Variants in PIP5K1B observed in about 807,000 individuals in gnomAD.
PIP5K1B encodes phosphatidylinositol 4-phosphate 5-kinase type-1 beta.
In PIP5K1B, 42 loss-of-function variants were observed where a neutral mutation model predicts 67.0. The ratio of observed to expected loss-of-function variants is 0.63; its 90% CI spans 0.49 to 0.81. The LOEUF (loss-of-function observed/expected upper bound fraction) is 0.81, where lower values mean the gene tolerates loss of function less well. PIP5K1B is among the 30% of genes least tolerant of loss of function. The pLI, the probability that PIP5K1B is intolerant of heterozygous loss-of-function variation, is 0.00. For missense variants in PIP5K1B, 459 were observed against 646.3 expected, an observed-to-expected ratio of 0.71 and a Z score of 3.14; for synonymous variants, 214 against 231.4, an observed-to-expected ratio of 0.92 and a Z score of 0.68.
chr9:68,885,956 C>T (rs908714415), intron 6 of PIP5K1B, among the ~76,000 whole-genome samples: 4 of 152,070 alleles, frequency 2.6e-5, no homozygotes, highest in Non-Finnish European at 5.9e-5. Flanking sequence ...GCGAGGCCGG[C>T]GGATCATGAG....
intron 14 of PIP5K1B, among the ~76,000 whole-genome samples, chr9:68,988,678 T>A (rs990417694): frequency 1.3e-5 from 2 of 152,152 alleles, no homozygotes; most frequent in Non-Finnish European, 2.9e-5. Context: ...GTCGAACTTC[T>A]GACCTCAGAT....
In PIP5K1B at chr9:68,948,111, C is replaced by A. The variant is rs138673306; in HGVS notation, c.1502+7321C>A. 5.7e-3 allele frequency among the ~76,000 whole-genome samples: 864 copies of A among 152,338 alleles called. 13 individuals are homozygous for A. Among genetic ancestry groups the A allele is most frequent in the African/African-American group, 0.02 (817 of 41,572 alleles). On this transcript the variant is annotated intron_variant, in intron 14 of 15. Coordinates refer to ENST00000265382, the MANE Select transcript of PIP5K1B (RefSeq NM_003558.4). Reference sequence around the variant, plus strand: ...AATGAGGGGAAAATGTGGTCACATTCTTTCATTCTTAGTAAAGAAAGGATT... The same window carrying A: ...AATGAGGGGAAAATGTGGTCACATTATTTCATTCTTAGTAAAGAAAGGATT...
At chr9:68,750,831 G>C (rs554034912) in intron 2 of PIP5K1B, among the ~76,000 whole-genome samples, 1 of 152,164 alleles carries the variant, frequency 6.6e-6, no homozygotes, top group Non-Finnish European at 1.5e-5. Context: ...TATTAGAGGG[G>C]ACAGTTTTTA....
At chr9:68,978,115 T>G (rs549437047) in intron 14 of PIP5K1B, among the ~76,000 whole-genome samples, 3 of 152,308 alleles carry the variant, frequency 2.0e-5, no homozygotes, top group Admixed American at 1.3e-4. Context: ...AACATATCTA[T>G]CACCTCACGT....
intron 4 of PIP5K1B, among the ~76,000 whole-genome samples, chr9:68,836,480 A>G (rs1285034521): frequency 1.3e-5 from 2 of 152,224 alleles, no homozygotes; most frequent in Non-Finnish European, 2.9e-5. Context: ...GAAGTATTCA[A>G]TGTAATAAAA....
chr9:68,901,003 G>A (rs1005283503), intron 8 of PIP5K1B, among the ~76,000 whole-genome samples: 1 of 152,044 alleles, frequency 6.6e-6, no homozygotes, highest in African/African-American at 2.4e-5. Context: ...AATTTTGCTG[G>A]TAGTAAACTT....
chr9:68,863,603 T>C (rs1823213019), intron 4 of PIP5K1B, among the ~76,000 whole-genome samples: 2 of 152,218 alleles, frequency 1.3e-5, no homozygotes, highest in Admixed American at 1.3e-4. Flanking sequence ...GTAAGCAATT[T>C]CCAAATTAAA....
chr9:68,863,755 C>A, intron 4 of PIP5K1B, 82 bp from the exon 5 acceptor site: 1 of 1,180,264 alleles, frequency 8.5e-7, no homozygotes, highest in Non-Finnish European at 1.2e-6. Context: ...AGAATTGAAC[C>A]TCACTCATGT....
chr9:68,755,128 C>A lies in PIP5K1B; in HGVS notation c.-86+12471C>A, dbSNP rs188975958. ...GATCAAACATTTATGTAATGTAAAG[C>A]CTTTATTTTTCATGCAGCATTGTCA... On this transcript the variant is annotated intron_variant, in intron 2 of 15. Transcript: ENST00000265382. Among the ~76,000 whole-genome samples the A allele has an allele frequency of 2.2e-3, 340 of 152,258 alleles. 3 individuals carry two copies. The highest frequency in any genetic ancestry group is 7.9e-3 in the African/African-American group (329 of 41,540).
At chr9:68,733,443 C>A (rs1828552290) in intron 1 of PIP5K1B, among the ~76,000 whole-genome samples, 4 of 151,634 alleles carry the variant, frequency 2.6e-5, no homozygotes, top group Admixed American at 6.6e-5. Flanking sequence ...GCAGTGCTTC[C>A]CAAAGAATTT....
At chr9:68,949,613 G>A (rs908010040) in intron 14 of PIP5K1B, among the ~76,000 whole-genome samples, 3 of 152,230 alleles carry the variant, frequency 2.0e-5, no homozygotes, top group Non-Finnish European at 4.4e-5. Context: ...CTTCAGACAT[G>A]CCTGGACAGG....
intron 1 of PIP5K1B, among the ~76,000 whole-genome samples, chr9:68,739,241 T>C (rs2132311261): frequency 6.6e-6 from 1 of 152,380 alleles, no homozygotes; most frequent in Middle Eastern, 3.4e-3. Context: ...CTCGATTTAC[T>C]CTTGCATAGT....
At chr9:68,791,642 T>C (rs1708360351) in intron 2 of PIP5K1B, among the ~76,000 whole-genome samples, 1 of 152,228 alleles carries the variant, frequency 6.6e-6, no homozygotes, top group Admixed American at 6.5e-5. Context: ...AGAATTAAAA[T>C]TCCTGATGCT....
intron 15 of PIP5K1B, among the ~76,000 whole-genome samples, chr9:68,995,305 A>T (rs769638017): frequency 2.6e-5 from 4 of 152,174 alleles, no homozygotes; most frequent in Non-Finnish European, 4.4e-5. Flanking sequence ...TTGCTGTTTA[A>T]TCACCTCCTG....
intron 2 of PIP5K1B, among the ~76,000 whole-genome samples, chr9:68,792,510 C>G (rs1458969495): frequency 6.6e-6 from 1 of 152,040 alleles, no homozygotes; most frequent in Admixed American, 6.6e-5. Flanking sequence ...GACAGAGTCT[C>G]GCTCTGTCGC....
At chr9:68,861,603 G>A (rs922049849) in intron 4 of PIP5K1B, among the ~76,000 whole-genome samples, 2 of 152,166 alleles carry the variant, frequency 1.3e-5, no homozygotes, top group African/African-American at 4.8e-5. Context: ...CGGTGCGGGG[G>A]CTGCAGAGCA....
At chr9:68,908,139 T>C (rs771039285) in intron 8 of PIP5K1B, among the ~76,000 whole-genome samples, 3 of 152,138 alleles carry the variant, frequency 2.0e-5, no homozygotes, top group Non-Finnish European at 4.4e-5. Context: ...ACGTACCAGT[T>C]AAGCCACAAT....
intron 15 of PIP5K1B, among the ~76,000 whole-genome samples, chr9:68,994,406 G>C (rs1258576651): frequency 1.3e-5 from 2 of 152,092 alleles, no homozygotes; most frequent in African/African-American, 4.8e-5. Context: ...ATGTTTTTAT[G>C]AATATTATTA....
intron 2 of PIP5K1B, among the ~76,000 whole-genome samples, chr9:68,769,510 A>T (rs114123879): frequency 0.011 from 1,722 of 152,350 alleles, 40 homozygotes; most frequent in African/African-American, 0.039. Flanking sequence ...AAACATAAGC[A>T]GCACACTGAA....
Sources: gnomAD v4.1 joint callset for allele counts (sites outside exome capture counted in the v4.1 genomes callset) on GRCh38, gnomAD v4.1.1 for gene constraint, MANE v1.5 for transcripts, NCBI Gene and HGNC (gene_info 2026-07-23, HGNC 2026-07-21) for gene names.